Variants in ETS1 observed in about 807,000 individuals in gnomAD.
The protein encoded by ETS1 is protein C-ets-1.
A neutral mutation model predicts 58.6 loss-of-function variants in ETS1; 15 were observed. That is an observed-to-expected ratio of 0.26 (90% CI 0.17 to 0.39). The LOEUF (loss-of-function observed/expected upper bound fraction) is 0.39, where lower values mean the gene tolerates loss of function less well. ETS1 is among the 10% of genes least tolerant of loss of function. The probability of loss-of-function intolerance (pLI) is 1.00; values close to 1 mark genes in which losing one functional copy is unlikely to be tolerated. For missense variants in ETS1, 417 were observed against 610.5 expected (o/e 0.68, Z 3.34); for synonymous variants, 214 against 218.2 (o/e 0.98, Z 0.17).
chr11:128,485,800 TAGTTGCAGTCTCTCTGC>T (rs1862613825), intron 6 of ETS1, among the ~76,000 whole-genome samples: 1 of 152,156 alleles, frequency 6.6e-6, no homozygotes, highest in Non-Finnish European at 1.5e-5. Context: ...TTTAGGGGTC[TAGTTGCAGTCTCTCTGC>T]ATGACTTTCA....
intron 2 of ETS1, among the ~76,000 whole-genome samples, chr11:128,566,359 C>T (rs1423147022): frequency 2.0e-5 from 3 of 152,196 alleles, no homozygotes; most frequent in East Asian, 1.9e-4. Flanking sequence ...TTTGTGGAGG[C>T]GCTTGACAAG....
At chr11:128,555,655 C>T (rs1204898265) in intron 3 of ETS1, among the ~76,000 whole-genome samples, 1 of 151,754 alleles carries the variant, frequency 6.6e-6, no homozygotes, top group Non-Finnish European at 1.5e-5. Context: ...GCTGGTAAAC[C>T]AAGAACTAGT....
chr11:128,587,088 A>G (rs1017525118), intron 1 of ETS1, among the ~76,000 whole-genome samples: 6 of 152,068 alleles, frequency 3.9e-5, no homozygotes, highest in African/African-American at 1.2e-4. Context: ...GTAAAACAAT[A>G]GATTTACTAG....
intron 3 of ETS1, among the ~76,000 whole-genome samples, chr11:128,546,381 T>C (rs958759475): frequency 6.6e-6 from 1 of 152,210 alleles, no homozygotes; most frequent in Non-Finnish European, 1.5e-5. Context: ...GTCATTCCTG[T>C]ATACAGTCTC....
At chr11:128,537,690 A>G (rs1052770517) in intron 3 of ETS1, among the ~76,000 whole-genome samples, 15 of 152,040 alleles carry the variant, frequency 9.9e-5, no homozygotes, top group African/African-American at 3.1e-4. Flanking sequence ...CGGAACATAT[A>G]TTTCTAATTG....
chr11:128,520,057 T>A (rs958575905), intron 3 of ETS1, among the ~76,000 whole-genome samples: 3 of 152,210 alleles, frequency 2.0e-5, no homozygotes, highest in Non-Finnish European at 4.4e-5. Context: ...GGCTTGGAAA[T>A]CTTTTTTGAA....
chr11:128,584,688 G>C (rs1201419692), intron 1 of ETS1, among the ~76,000 whole-genome samples: 1 of 152,084 alleles, frequency 6.6e-6, no homozygotes, highest in African/African-American at 2.4e-5. Context: ...CAGGGATAAA[G>C]GAGATGAGGA....
chr11:128,523,956 C>A (rs955571864), intron 3 of ETS1, among the ~76,000 whole-genome samples: 2 of 151,834 alleles, frequency 1.3e-5, no homozygotes, highest in Non-Finnish European at 2.9e-5. Context: ...CTGCCTTACT[C>A]ACTATGAATT....
intron 8 of ETS1, among the ~76,000 whole-genome samples, chr11:128,471,859 A>G (rs940925284): frequency 6.6e-6 from 1 of 152,206 alleles, no homozygotes; most frequent in Non-Finnish European, 1.5e-5. Flanking sequence ...AGGATTCTCA[A>G]CTTGCTCTCT....
At chr11:128,490,311 T>C in intron 4 of ETS1, 146 bp downstream of exon 4, 1 of 776,738 alleles carries the variant, frequency 1.3e-6, no homozygotes. Context: ...TGTGTCATGA[T>C]TGTCCTAACA....
intron 5 of ETS1, among the ~76,000 whole-genome samples, chr11:128,488,687 C>A (rs1171114673): frequency 1.3e-5 from 2 of 152,118 alleles, no homozygotes; most frequent in Non-Finnish European, 2.9e-5. Context: ...TCACTTGGTC[C>A]AAAAAGGTTG....
chr11:128,479,456 T>G (rs1180659072), intron 8 of ETS1, among the ~76,000 whole-genome samples: 1 of 152,250 alleles, frequency 6.6e-6, no homozygotes, highest in Non-Finnish European at 1.5e-5. Context: ...ACTCTCCACA[T>G]GTTTTTCTGG....
chr11:128,467,917 G>A (rs973194382), intron 8 of ETS1, among the ~76,000 whole-genome samples: 3 of 152,062 alleles, frequency 2.0e-5, no homozygotes, highest in Non-Finnish European at 4.4e-5. Context: ...CATCTCCCAT[G>A]GCACGGAGCC....
chr11:128,463,069 A>G lies in ETS1; in HGVS notation c.1242+440T>C, dbSNP rs1861945462. 6.6e-6 allele frequency among the ~76,000 whole-genome samples: 1 copy of G among 152,102 alleles called. No individual in the cohort carries two copies. On this transcript the variant is annotated intron_variant, in intron 9 of 9. Coordinates refer to ENST00000392668, the MANE Select transcript of ETS1 (RefSeq NM_001143820.2). The surrounding 1 kb of genome is among the most constrained non-coding windows in gnomAD (Gnocchi z 4.1). ...AACAAAGATGTTGTCTCTCCTGTTC[A>G]TTGTTTTTTATCCTCAGAATTGGGC...
intron 2 of ETS1, among the ~76,000 whole-genome samples, chr11:128,559,486 G>A (rs960311009): frequency 4.6e-5 from 7 of 152,110 alleles, no homozygotes; most frequent in East Asian, 1.9e-4. Flanking sequence ...TGGTCAACAC[G>A]TTTTTTATTT....
intron 3 of ETS1, among the ~76,000 whole-genome samples, chr11:128,537,544 C>T (rs1460831182): frequency 6.6e-6 from 1 of 152,100 alleles, no homozygotes; most frequent in Non-Finnish European, 1.5e-5. Context: ...GCTCCCTACC[C>T]CTGGGAACTA....
chr11:128,506,008 A>G (rs1455547616), intron 3 of ETS1, among the ~76,000 whole-genome samples: 1 of 152,146 alleles, frequency 6.6e-6, no homozygotes, highest in Non-Finnish European at 1.5e-5. Context: ...GGAAGGAGGG[A>G]CTGAAAAAGT....
chr11:128,550,304 C>G (rs11221344), intron 3 of ETS1, among the ~76,000 whole-genome samples: 1,689 of 152,286 alleles, frequency 0.011, 29 homozygotes, highest in African/African-American at 0.038. Context: ...AGTACCAGCT[C>G]AAAAGCTACC....
intron 3 of ETS1, chr11:128,526,625 C>G (rs749908714): frequency 3.9e-6 from 1 of 259,230 alleles, no homozygotes; most frequent in Non-Finnish European, 7.7e-6. Flanking sequence ...ATTTAAAAAT[C>G]TCTTCAAGAC....
Sources: gnomAD v4.1 joint callset for allele counts (sites outside exome capture counted in the v4.1 genomes callset) on GRCh38, gnomAD v4.1.1 for gene constraint, Gnocchi (gnomAD v3.1) non-coding constraint, MANE v1.5 for transcripts, NCBI Gene and HGNC (gene_info 2026-07-23, HGNC 2026-07-21) for gene names.